Variants in PCDHA1 observed in about 807,000 individuals in gnomAD.
PCDHA1 encodes protocadherin alpha-1.
In PCDHA1, 42 loss-of-function variants were observed where a neutral mutation model predicts 61.3. That is an observed-to-expected ratio of 0.69 (90% CI 0.54 to 0.89). The LOEUF (loss-of-function observed/expected upper bound fraction) is 0.89. Among genes scored for constraint, PCDHA1 ranks in the 40% least tolerant of loss-of-function variants. The probability of loss-of-function intolerance (pLI) is 0.00; values close to 1 mark genes in which losing one functional copy is unlikely to be tolerated. For synonymous variants in PCDHA1, 610 were observed against 553.8 expected, an observed-to-expected ratio of 1.10 and a Z score of -1.43; for missense variants, 1,256 against 1,235.3, an observed-to-expected ratio of 1.02 and a Z score of -0.25.
At chr5:140,954,086 C>T (rs2094976679) in intron 1 of PCDHA1, among the ~76,000 whole-genome samples, 1 of 152,212 alleles carries the variant, frequency 6.6e-6, no homozygotes, top group African/African-American at 2.4e-5. Context: ...CTTCCAGCTC[C>T]ATCCATGTCC....
In PCDHA1 at chr5:140,801,978, G is replaced by T. The variant is rs1199727898; in HGVS notation, c.2394+13294G>T. On this transcript the variant is annotated intron_variant, in intron 1 of 3. Coordinates refer to ENST00000504120, the MANE Select transcript of PCDHA1 (RefSeq NM_018900.4). ...CGAAAATGCACCAAATGGTACCCTA[G>T]TGGTGACCGTTAACGCCACCGATTT... 1.2e-6 allele frequency: 2 copies of T among 1,614,070 alleles called. No homozygotes were observed. Among genetic ancestry groups the T allele is most frequent in the Non-Finnish European group, 1.7e-6 (2 of 1,180,048 alleles).
chr5:140,822,562 C>T, intron 1 of PCDHA1: 2 of 1,613,262 alleles, frequency 1.2e-6, no homozygotes, highest in Non-Finnish European at 1.7e-6. Context: ...AGTTATTAAA[C>T]TGAACGCCTC....
chr5:140,850,725 G>A, intron 1 of PCDHA1: 1 of 1,597,982 alleles, frequency 6.3e-7, no homozygotes. Context: ...GTGTTCTAGC[G>A]CGGTGGGGAG....
intron 1 of PCDHA1, chr5:140,808,312 C>G (rs1330097082): frequency 3.1e-6 from 5 of 1,614,124 alleles, no homozygotes; most frequent in Non-Finnish European, 4.2e-6. Flanking sequence ...TCAGCGTGTC[C>G]GACAAAGACA....
intron 1 of PCDHA1, chr5:140,849,973 C>A: frequency 6.3e-7 from 1 of 1,597,728 alleles, no homozygotes; most frequent in Non-Finnish European, 8.6e-7. Flanking sequence ...GTGTCCTACT[C>A]GCTGGTGGAG....
chr5:140,795,905 A>G, intron 1 of PCDHA1: 1 of 1,613,984 alleles, frequency 6.2e-7, no homozygotes, highest in Admixed American at 1.7e-5. Context: ...GAAGAAGCAA[A>G]GTCCTACGAG....
intron 1 of PCDHA1, among the ~76,000 whole-genome samples, chr5:140,897,922 C>T (rs1476419563): frequency 3.3e-5 from 5 of 152,164 alleles, no homozygotes; most frequent in Non-Finnish European, 5.9e-5. Context: ...TTTTGATTTG[C>T]GTTTCTCTGA....
At chr5:140,943,718 C>G (rs2093552773) in intron 1 of PCDHA1, among the ~76,000 whole-genome samples, 1 of 152,020 alleles carries the variant, frequency 6.6e-6, no homozygotes, top group South Asian at 2.1e-4. Flanking sequence ...ATTTAAAGGT[C>G]TGAGAGAATG....
At chr5:140,879,180 G>C (rs1459369751) in intron 1 of PCDHA1, among the ~76,000 whole-genome samples, 14 of 152,206 alleles carry the variant, frequency 9.2e-5, no homozygotes, top group African/African-American at 3.4e-4. Context: ...TAGGTATCAA[G>C]TAATGGAGAC....
intron 1 of PCDHA1, chr5:140,876,422 A>G: frequency 1.2e-6 from 2 of 1,613,978 alleles, no homozygotes; most frequent in Non-Finnish European, 1.7e-6. Context: ...AATGCCTATG[A>G]AATTCAGGTT....
intron 3 of PCDHA1, among the ~76,000 whole-genome samples, chr5:140,999,171 C>T (rs1482438264): frequency 1.3e-5 from 2 of 152,054 alleles, no homozygotes; most frequent in African/African-American, 4.8e-5. Context: ...AGGAAAAGAG[C>T]CTGATGGGGA....
intron 1 of PCDHA1, chr5:140,796,836 G>A: frequency 1.2e-6 from 2 of 1,614,112 alleles, no homozygotes; most frequent in East Asian, 2.2e-5. Flanking sequence ...CGTTCCGCGT[G>A]GGGCTATACA....
chr5:140,802,741 G>C, intron 1 of PCDHA1: 1 of 1,612,594 alleles, frequency 6.2e-7, no homozygotes, highest in Non-Finnish European at 8.5e-7. Flanking sequence ...GCGGAGAGCG[G>C]CAAGGTGTAC....
At chr5:140,815,065 G>A (rs1000683803) in intron 1 of PCDHA1, 1 of 151,794 alleles carries the variant, frequency 6.6e-6, no homozygotes, top group African/African-American at 2.4e-5. Flanking sequence ...TAACTTTCAG[G>A]CTATCCAGGT....
At chr5:140,927,780 T>C (rs1189193877) in intron 1 of PCDHA1, 5 of 1,614,090 alleles carry the variant, frequency 3.1e-6, no homozygotes, top group African/African-American at 1.3e-5. Flanking sequence ...TGCAAGTAGC[T>C]GCTTCACTAG....
intron 1 of PCDHA1, chr5:140,876,869 A>G: frequency 1.9e-6 from 3 of 1,614,030 alleles, no homozygotes; most frequent in Non-Finnish European, 2.5e-6. Flanking sequence ...TTCGTGAAGG[A>G]GAACAACCCG....
At chr5:140,843,442 A>C in intron 1 of PCDHA1, 2 of 1,596,116 alleles carry the variant, frequency 1.3e-6, no homozygotes, top group Non-Finnish European at 1.7e-6. Context: ...TCTGCGCGGT[A>C]TCCAGCCTGC....
At chr5:141,007,149 T>G (rs980574316) in intron 3 of PCDHA1, among the ~76,000 whole-genome samples, 12 of 152,084 alleles carry the variant, frequency 7.9e-5, no homozygotes, top group African/African-American at 2.9e-4. Context: ...CAAAGGAAAC[T>G]GTCAAAGAAC....
chr5:140,874,695 T>C (rs1278085784), intron 1 of PCDHA1, among the ~76,000 whole-genome samples: 1 of 152,228 alleles, frequency 6.6e-6, no homozygotes, highest in East Asian at 1.9e-4. Flanking sequence ...TAACATGTTA[T>C]GGAAATGAGA....
Sources: gnomAD v4.1 joint callset for allele counts (sites outside exome capture counted in the v4.1 genomes callset) on GRCh38, gnomAD v4.1.1 for gene constraint, MANE v1.5 for transcripts, NCBI Gene and HGNC (gene_info 2026-07-23, HGNC 2026-07-21) for gene names.